Variants in PKNOX1 observed in about 807,000 individuals in gnomAD.
PKNOX1 encodes the protein homeobox protein PKNOX1.
A neutral mutation model predicts 51.9 loss-of-function variants in PKNOX1; 15 were observed. The observed-to-expected ratio is 0.29, with a 90% CI of 0.19 to 0.45. The LOEUF is 0.45. PKNOX1 is among the 20% of genes least tolerant of loss of function. The probability of loss-of-function intolerance (pLI) is 1.00; values close to 1 mark genes in which losing one functional copy is unlikely to be tolerated. For synonymous variants in PKNOX1, 219 were observed against 211.1 expected (o/e 1.04, Z -0.32); for missense variants, 462 against 547.5 (o/e 0.84, Z 1.56).
intron 7 of PKNOX1, among the ~76,000 whole-genome samples, chr21:43,018,548 A>G (rs1979615958): frequency 7.6e-6 from 1 of 131,710 alleles, no homozygotes; most frequent in Non-Finnish European, 1.6e-5. Flanking sequence ...CTAACGTTGG[A>G]TCATGTGCAC....
At chr21:43,019,485 A>G (rs919468870) in intron 7 of PKNOX1, among the ~76,000 whole-genome samples, 2 of 151,988 alleles carry the variant, frequency 1.3e-5, no homozygotes, top group East Asian at 1.9e-4. Context: ...TTTGATATGC[A>G]GTCTGTTTAC....
intron 5 of PKNOX1, among the ~76,000 whole-genome samples, chr21:43,015,769 T>C (rs1418068257): frequency 6.6e-6 from 1 of 152,226 alleles, no homozygotes; most frequent in African/African-American, 2.4e-5. Context: ...GCAGGGTCTA[T>C]AGTGATCTCT....
chr21:42,984,246 C>T (rs564775713), intron 1 of PKNOX1, among the ~76,000 whole-genome samples: 33 of 151,428 alleles, frequency 2.2e-4, no homozygotes, highest in Admixed American at 9.2e-4. Flanking sequence ...TGGCTATGTT[C>T]ATACGTTTTT....
intron 1 of PKNOX1, among the ~76,000 whole-genome samples, chr21:42,979,004 G>T (rs2059012586): frequency 6.6e-6 from 1 of 152,146 alleles, no homozygotes; most frequent in South Asian, 2.1e-4. Context: ...GGCTAAAGTG[G>T]TTCTCCCACC....
chr21:42,994,336 C>CTGGCCT (rs1568892107), intron 1 of PKNOX1, among the ~76,000 whole-genome samples: 2 of 124,410 alleles, frequency 1.6e-5, no homozygotes, highest in Non-Finnish European at 3.3e-5. Flanking sequence ...GCCACTGCAC[C>CTGGCCT]CAGCCAATTT....
intron 3 of PKNOX1, among the ~76,000 whole-genome samples, chr21:43,007,914 A>G (rs561506139): frequency 2.6e-5 from 4 of 152,088 alleles, no homozygotes; most frequent in Non-Finnish European, 5.9e-5. Flanking sequence ...AAATACAAAA[A>G]TTAGCCAGAC....
Position 42,991,144 on chromosome 21 carries a change from A to G in PKNOX1, c.-56-13182A>G, listed in dbSNP as rs574995223. On this transcript the variant is annotated intron_variant, in intron 1 of 10. Coordinates refer to ENST00000291547, the MANE Select transcript of PKNOX1 (RefSeq NM_004571.5). ...GTCAAAACTATATGGATGTTTTAAT[A>G]TAGTTTTAAAATAAAATGAAGTCAA... is the stretch of plus-strand genomic sequence containing the variant. 1.8e-4 allele frequency among the ~76,000 whole-genome samples: 28 copies of G among 152,278 alleles called. 1 individual carries two copies. Among genetic ancestry groups the G allele is most frequent in the African/African-American group, 6.3e-4 (26 of 41,566 alleles).
At chr21:43,010,979 G>A (rs901059484) in intron 4 of PKNOX1, among the ~76,000 whole-genome samples, 3 of 152,122 alleles carry the variant, frequency 2.0e-5, no homozygotes, top group African/African-American at 4.8e-5. Flanking sequence ...TGGGGTGTTC[G>A]GGTGGCATGT....
chr21:42,975,130 G>GGCGGCGC (rs2058986705), intron 1 of PKNOX1, among the ~76,000 whole-genome samples: 1 of 145,138 alleles, frequency 6.9e-6, no homozygotes, highest in Non-Finnish European at 1.5e-5. Flanking sequence ...GGCCGGGGCG[G>GGCGGCGC]GCGGCGCGCG....
At position 43,030,288 on chromosome 21, in the gene PKNOX1, T is replaced by C. The variant is rs865869152; in HGVS notation, c.*187T>C. 99 of 410,860 alleles carry C rather than the reference T, an allele frequency of 2.4e-4. No individual in the cohort carries two copies. The highest frequency in any genetic ancestry group is 1.3e-3 in the South Asian group (20 of 14,918). The allele number at this position is 410,860 out of a possible 1,614,324, so 25.5% of individuals were successfully genotyped here. On this transcript the variant is annotated 3_prime_UTR_variant, in exon 11 of 11. Coordinates refer to ENST00000291547, the MANE Select transcript of PKNOX1 (RefSeq NM_004571.5). The stretch of plus-strand genomic sequence containing the variant: ...GTGTGTGTGTGTGTGTGTGTGTGTG[T>C]GTGTGCGTGTGTGCGTGTGTGTGGA...
chr21:42,978,054 G>A (rs2059006635), intron 1 of PKNOX1, among the ~76,000 whole-genome samples: 1 of 152,044 alleles, frequency 6.6e-6, no homozygotes, highest in African/African-American at 2.4e-5. Flanking sequence ...TGCCCAGGTT[G>A]GAGTGCAGTG....
chr21:43,000,657 C>T (rs1219975417), intron 1 of PKNOX1, among the ~76,000 whole-genome samples: 3 of 152,110 alleles, frequency 2.0e-5, no homozygotes, highest in Non-Finnish European at 4.4e-5. Context: ...GAGGCTGAGG[C>T]AGGAGAATTG....
chr21:43,017,809 GT>G (rs1979560326), intron 6 of PKNOX1: 1 of 204,722 alleles, frequency 4.9e-6, no homozygotes, highest in African/African-American at 2.4e-5. Context: ...CACCCAGGGA[GT>G]TTGTTTTGAT....
At chr21:43,006,617 G>T (rs56212751) in intron 2 of PKNOX1, among the ~76,000 whole-genome samples, 2 of 152,154 alleles carry the variant, frequency 1.3e-5, no homozygotes, top group African/African-American at 4.8e-5. Flanking sequence ...GAGAGCACAG[G>T]GCTGGAGGAT....
Position 43,013,157 on chromosome 21 carries a change from T to G in PKNOX1, c.441T>G (p.Ile147Met), listed in dbSNP as rs770143485. The change falls in exon 5 of 11, where the codon ATT (isoleucine) becomes ATG (methionine). Residue 147 changes from isoleucine to methionine, a missense_variant. By Grantham distance (10) the Ile-to-Met change is conservative. Around this residue, in one of 5 missense-constraint regions of PKNOX1, gnomAD observed 126 missense variants for 128.1 expected, o/e 0.98. Transcript: ENST00000291547. Reference sequence around the variant, plus strand: ...GCAAAGATTTCTGCAGTCGATACATTGCTTGTCTGAAAACAAAAATGAACA... The same window carrying G: ...GCAAAGATTTCTGCAGTCGATACATGGCTTGTCTGAAAACAAAAATGAACA... ...ELCKDFCSRY[I>M]ACLKTKMNSE... 1 of 1,614,024 alleles carries G rather than the reference T, an allele frequency of 6.2e-7. No homozygotes were observed. Among genetic ancestry groups the G allele is most frequent in the East Asian group, 2.2e-5 (1 of 44,868 alleles).
chr21:42,981,992 G>T (rs2059028849), intron 1 of PKNOX1, among the ~76,000 whole-genome samples: 1 of 152,202 alleles, frequency 6.6e-6, no homozygotes, highest in Non-Finnish European at 1.5e-5. Flanking sequence ...CTTCAATTAG[G>T]TGGTTGCCCT....
chr21:42,997,183 A>T (rs1978543424), intron 1 of PKNOX1, among the ~76,000 whole-genome samples: 1 of 152,138 alleles, frequency 6.6e-6, no homozygotes, highest in African/African-American at 2.4e-5. Flanking sequence ...GCCTGGCCCC[A>T]TATGCTGTTT....
In PKNOX1 at chr21:42,995,865, T is replaced by G. The variant is rs550374342; in HGVS notation, c.-56-8461T>G. ...CATCCTCTACACGTTAGAGAACTCT[T>G]GTATTTTAGAGCTTTTTCTGCTCCC... On this transcript the variant is annotated intron_variant, in intron 1 of 10. Transcript: ENST00000291547. Among the ~76,000 whole-genome samples the G allele has an allele frequency of 2.0e-5, 3 of 152,272 alleles. No homozygotes were observed. The South Asian group carries it at 6.2e-4, about 32-fold the overall frequency.
Position 43,032,542 on chromosome 21 carries a change from G to C in PKNOX1, c.*2441G>C, listed in dbSNP as rs1980322299. On this transcript the variant is annotated 3_prime_UTR_variant, in exon 11 of 11. Transcript: ENST00000291547. ...CTGAGGCAGAGGATGGCATGTGCCA[G>C]GAGTTTGAGGCTGCAGTGCACTATG... The C allele has an allele frequency of 4.7e-6, 1 of 214,046 alleles. No homozygotes were observed. Among genetic ancestry groups the C allele is most frequent in the South Asian group, 6.7e-5 (1 of 14,886 alleles). The allele number at this position is 214,046 out of a possible 1,614,324, so 13.3% of individuals were successfully genotyped here. A position where few individuals can be genotyped will look rare whatever the true frequency, so the allele number is the denominator to read the frequency against.
Sources: allele counts gnomAD v4.1 joint callset (sites outside exome capture counted in the v4.1 genomes callset), GRCh38; gene constraint gnomAD v4.1.1; regional missense constraint gnomAD v4.1.1; transcripts MANE v1.5; gene names NCBI Gene and HGNC (gene_info 2026-07-23, HGNC 2026-07-21).